PTPRD: variants seen among roughly 807,000 people sequenced by gnomAD.
PTPRD encodes receptor-type tyrosine-protein phosphatase delta.
A neutral mutation model predicts 214.5 loss-of-function variants in PTPRD; 34 were observed. The observed-to-expected ratio is 0.16, with a 90% CI of 0.12 to 0.21. PTPRD has a LOEUF of 0.21. Among genes scored for constraint, PTPRD ranks in the 10% least tolerant of loss-of-function variants. The pLI is 1.00. For synonymous variants in PTPRD, 1,128 were observed against 845.7 expected (o/e 1.33, Z -5.79); for missense variants, 2,545 against 2,398.7 (o/e 1.06, Z -1.27).
chr9:8,557,766 A>C (rs1183202979), intron 14 of PTPRD, among the ~76,000 whole-genome samples: 18,443 of 139,762 alleles, frequency 0.13, 4,372 homozygotes, highest in African/African-American at 0.47. Flanking sequence ...AAAAAAAAAA[A>C]AGAAAAACAA....
chr9:8,441,034 G>A (rs904977992), intron 34 of PTPRD, among the ~76,000 whole-genome samples: 5 of 152,040 alleles, frequency 3.3e-5, no homozygotes, highest in African/African-American at 4.8e-5. Flanking sequence ...TGAAGTGGGG[G>A]GCAAAGTCTC....
Position 8,315,001 on chromosome 9 carries a change from T to TA in PTPRD, c.*2872dup, listed in dbSNP as rs1192230588. 1 of 232,478 alleles carries TA rather than the reference T, an allele frequency of 4.3e-6. No homozygotes were observed. The highest frequency in any genetic ancestry group is 6.1e-5 in the East Asian group (1 of 16,528). The allele number at this position is 232,478 out of a possible 1,614,324, so 14.4% of individuals were successfully genotyped here. On this transcript the variant is annotated 3_prime_UTR_variant, in exon 46 of 46. Coordinates refer to ENST00000381196, the MANE Select transcript of PTPRD (RefSeq NM_002839.4). ...ACTTTTTATATATTTTGATTTTTTT[T>TA]ACCATTGTAACTAATTACAAAATTA...
At chr9:9,785,488 C>T (rs1046461506) in intron 5 of PTPRD, among the ~76,000 whole-genome samples, 1 of 151,944 alleles carries the variant, frequency 6.6e-6, no homozygotes, top group Non-Finnish European at 1.5e-5. Context: ...AAATTCAGAA[C>T]CTTAGTCTAA....
chr9:10,537,026 G>A (rs924406920), intron 2 of PTPRD, among the ~76,000 whole-genome samples: 6 of 152,104 alleles, frequency 3.9e-5, no homozygotes, highest in African/African-American at 1.4e-4. Context: ...AATTGGGTTG[G>A]GCATTTCTTT....
At chr9:8,649,983 T>C (rs1018279768) in intron 12 of PTPRD, among the ~76,000 whole-genome samples, 3 of 152,146 alleles carry the variant, frequency 2.0e-5, no homozygotes, top group African/African-American at 7.2e-5. Flanking sequence ...AGTTGCATAA[T>C]CATGGTTCAC....
chr9:9,727,247 C>G (rs1366733389), intron 7 of PTPRD, among the ~76,000 whole-genome samples: 3 of 151,978 alleles, frequency 2.0e-5, no homozygotes, highest in African/African-American at 7.3e-5. Context: ...TCCAGGAATT[C>G]AAGACCAGCT....
rs931672155 is a variant in PTPRD, at chr9:8,734,015, C to T, written c.-103-69G>A. 19 of 629,826 alleles carry T rather than the reference C, an allele frequency of 3.0e-5. No individual in the cohort carries two copies. In the African/African-American group the frequency reaches 3.3e-4, roughly 11 times the overall value. 39.0% of individuals were successfully genotyped at this position (629,826 alleles called of 1,614,324 possible). On this transcript the variant is annotated intron_variant, in intron 11 of 45. Transcript: ENST00000381196. The stretch of plus-strand genomic sequence containing the variant: ...AAGTGCTTAGATTTCTTACTCTTTC[C>T]CCCCTGGTTCCATCACAATCACCAT...
At chr9:8,806,940 T>C (rs905643781) in intron 11 of PTPRD, among the ~76,000 whole-genome samples, 1 of 152,294 alleles carries the variant, frequency 6.6e-6, no homozygotes, top group Non-Finnish European at 1.5e-5. Flanking sequence ...TAGGAGTAAG[T>C]AGGACAACTA....
chr9:9,628,218 A>G (rs528858992), intron 7 of PTPRD, among the ~76,000 whole-genome samples: 4 of 152,120 alleles, frequency 2.6e-5, no homozygotes, highest in Non-Finnish European at 5.9e-5. Flanking sequence ...TGGTCTCTCC[A>G]GTCACTTCAC....
At chr9:9,836,068 G>C (rs1424193838) in intron 5 of PTPRD, among the ~76,000 whole-genome samples, 1 of 151,826 alleles carries the variant, frequency 6.6e-6, no homozygotes, top group Non-Finnish European at 1.5e-5. Context: ...CTTTCTGGAA[G>C]AGATGATGGC....
rs534106110 is a variant in PTPRD at position 10,089,497 on chromosome 9, G to C, written c.-544-55707C>G. ...CCATAAAATGTAATAATGGTGAGTGGGATTAGCAACAGGAAGGATTAGAAG... is the reference window on the plus strand; with the variant it reads ...CCATAAAATGTAATAATGGTGAGTGCGATTAGCAACAGGAAGGATTAGAAG... On this transcript the variant is annotated intron_variant, in intron 3 of 45. Transcript: ENST00000381196. Among the ~76,000 whole-genome samples, 21 of 151,508 alleles carry C rather than the reference G, an allele frequency of 1.4e-4. No individual in the cohort carries two copies. In the South Asian group the frequency reaches 4.4e-3, roughly 31 times the overall value.
At chr9:9,664,169 C>G (rs182550094) in intron 7 of PTPRD, among the ~76,000 whole-genome samples, 1 of 149,326 alleles carries the variant, frequency 6.7e-6, no homozygotes, top group Non-Finnish European at 1.5e-5. Context: ...CCTTACACAG[C>G]CTGGCTTTAA....
intron 8 of PTPRD, among the ~76,000 whole-genome samples, chr9:9,518,734 C>G (rs1016492882): frequency 6.6e-6 from 1 of 151,880 alleles, no homozygotes; most frequent in African/African-American, 2.4e-5. Context: ...GCCAGTTTAA[C>G]AGAATGGACA....
Position 10,331,560 on chromosome 9 carries a change from G to A in PTPRD, c.-545+9403C>T, listed in dbSNP as rs747580966. Among the ~76,000 whole-genome samples the A allele has an allele frequency of 7.2e-5, 11 of 151,900 alleles. No individual in the cohort carries two copies. The East Asian group carries it at 2.1e-3, about 30-fold the overall frequency. ...CATAAAGAATTTGGTGCTGAAAGTG[G>A]AGCAGTCAGAGTTGCATCTGCTTTC... On this transcript the variant is annotated intron_variant, in intron 3 of 45. Transcript: ENST00000381196.
chr9:9,719,108 G>A (rs1564747581), intron 7 of PTPRD, among the ~76,000 whole-genome samples: 3 of 152,114 alleles, frequency 2.0e-5, no homozygotes, highest in African/African-American at 4.8e-5. Flanking sequence ...GCCACTCACT[G>A]ACAAAACAGC....
intron 2 of PTPRD, among the ~76,000 whole-genome samples, chr9:10,565,686 T>G (rs2065379923): frequency 6.6e-6 from 1 of 152,108 alleles, no homozygotes; most frequent in Non-Finnish European, 1.5e-5. Context: ...ATACCCAGTA[T>G]AGCAACCTAG....
At chr9:8,657,336 T>G (rs1345293035) in intron 12 of PTPRD, among the ~76,000 whole-genome samples, 1 of 151,874 alleles carries the variant, frequency 6.6e-6, no homozygotes, top group African/African-American at 2.4e-5. Context: ...CCCACCTAAT[T>G]TTTTGTACTT....
At chr9:9,944,637 A>G (rs181717640) in intron 4 of PTPRD, among the ~76,000 whole-genome samples, 2 of 152,238 alleles carry the variant, frequency 1.3e-5, no homozygotes, top group Admixed American at 6.5e-5. Flanking sequence ...AATAGGCCAC[A>G]TGAAGAGCAA....
chr9:8,667,292 T>C lies in PTPRD; in HGVS notation c.65-30448A>G, dbSNP rs185345764. 7.1e-3 allele frequency among the ~76,000 whole-genome samples: 1,078 copies of C among 152,250 alleles called. 10 individuals are homozygous for C. Among genetic ancestry groups the C allele is most frequent in the African/African-American group, 0.025 (1,036 of 41,552 alleles). ...ACGCAGAAGTTGCAGTGAGCCGAGA[T>C]CATGCCATTGCACTCCAGCCTGGGC... On this transcript the variant is annotated intron_variant, in intron 12 of 45. Transcript: ENST00000381196.
Sources: gnomAD v4.1 joint callset for allele counts (sites outside exome capture counted in the v4.1 genomes callset) on GRCh38, gnomAD v4.1.1 for gene constraint, MANE v1.5 for transcripts, NCBI Gene and HGNC (gene_info 2026-07-23, HGNC 2026-07-21) for gene names.